The following KAZN variants were observed in gnomAD, a reference collection of about 807,000 sequenced individuals.
The protein encoded by KAZN is kazrin.
In KAZN, 40 loss-of-function variants were observed where a neutral mutation model predicts 87.4. The ratio of observed to expected loss-of-function variants is 0.46; its 90% confidence interval spans 0.36 to 0.60. KAZN has a LOEUF of 0.60. Ranked by LOEUF, KAZN falls within the 20% of genes least tolerant of loss-of-function variation. KAZN has a pLI of 0.00. For synonymous variants in KAZN, 466 were observed against 458.3 expected, an observed-to-expected ratio of 1.02 and a Z score of -0.22; for missense variants, 898 against 1,073.9, an observed-to-expected ratio of 0.84 and a Z score of 2.29.
chr1:14,324,829 A>T (rs1411158306), intron 2 of KAZN, among the ~76,000 whole-genome samples: 1 of 152,170 alleles, frequency 6.6e-6, no homozygotes, highest in Non-Finnish European at 1.5e-5. Context: ...GCAAATATAG[A>T]TGTTCTTTAA....
intron 1 of KAZN, among the ~76,000 whole-genome samples, chr1:14,809,298 G>A (rs1646330303): frequency 2.0e-5 from 3 of 152,192 alleles, no homozygotes; most frequent in African/African-American, 7.2e-5. Context: ...GGAGAGGCTG[G>A]TGAGGTGAGG....
chr1:15,069,837 T>C (rs550427575), intron 8 of KAZN, among the ~76,000 whole-genome samples: 1 of 152,290 alleles, frequency 6.6e-6, no homozygotes, highest in East Asian at 1.9e-4. Context: ...ACAAGCTGCA[T>C]GACTGTACTC....
intron 1 of KAZN, among the ~76,000 whole-genome samples, chr1:14,679,944 G>A (rs1035859482): frequency 2.6e-5 from 4 of 152,152 alleles, no homozygotes; most frequent in Non-Finnish European, 4.4e-5. Context: ...GAAGGATGCA[G>A]TGAGGAAGGA....
chr1:13,965,898 G>A (rs1347423492), intron 1 of KAZN, among the ~76,000 whole-genome samples: 1 of 152,184 alleles, frequency 6.6e-6, no homozygotes, highest in Non-Finnish European at 1.5e-5. Flanking sequence ...CATGATTCCA[G>A]CTGGTTTCCT....
chr1:14,150,626 T>C (rs1238456874), intron 1 of KAZN, among the ~76,000 whole-genome samples: 1 of 152,186 alleles, frequency 6.6e-6, no homozygotes, highest in East Asian at 1.9e-4. Flanking sequence ...TGGGAAAAGA[T>C]GGTATCAACT....
chr1:15,057,516 C>G (rs1439611816), intron 5 of KAZN, among the ~76,000 whole-genome samples: 1 of 152,214 alleles, frequency 6.6e-6, no homozygotes, highest in Non-Finnish European at 1.5e-5. Flanking sequence ...AGAACCCAGA[C>G]AGTAAGCAAA....
chr1:14,359,209 A>C (rs1260010672), intron 2 of KAZN, among the ~76,000 whole-genome samples: 2 of 151,974 alleles, frequency 1.3e-5, no homozygotes, highest in Non-Finnish European at 2.9e-5. Flanking sequence ...TGTTGGTTTA[A>C]AGTCTGTTTT....
At chr1:14,720,146 C>G (rs1021679473) in intron 1 of KAZN, among the ~76,000 whole-genome samples, 7 of 152,346 alleles carry the variant, frequency 4.6e-5, no homozygotes, top group African/African-American at 1.7e-4. Flanking sequence ...GCTTGTGCCA[C>G]TTGTCAACAT....
intron 1 of KAZN, among the ~76,000 whole-genome samples, chr1:14,729,351 G>A (rs546815409): frequency 1.3e-5 from 2 of 152,362 alleles, no homozygotes; most frequent in African/African-American, 4.8e-5. Flanking sequence ...GCACCTGGGA[G>A]CAGTCAGCTC....
intron 1 of KAZN, among the ~76,000 whole-genome samples, chr1:14,882,540 G>A (rs1440301951): frequency 6.6e-6 from 1 of 152,128 alleles, no homozygotes; most frequent in Non-Finnish European, 1.5e-5. Context: ...ATAAAGGAGG[G>A]CTTCTGTTAT....
At chr1:14,005,842 A>T (rs774076669) in intron 1 of KAZN, among the ~76,000 whole-genome samples, 1 of 152,198 alleles carries the variant, frequency 6.6e-6, no homozygotes, top group African/African-American at 2.4e-5. Context: ...CACTGCTCCT[A>T]TCAATGGACT....
intron 14 of KAZN, 63 bp downstream of exon 14, chr1:15,112,604 T>G: frequency 2.7e-6 from 1 of 375,874 alleles, no homozygotes; most frequent in Non-Finnish European, 4.2e-6. Flanking sequence ...TTTTTTCTCC[T>G]CCCGGGAGCT....
chr1:14,126,520 T>C (rs1186969499), intron 1 of KAZN, among the ~76,000 whole-genome samples: 1 of 152,234 alleles, frequency 6.6e-6, no homozygotes, highest in Non-Finnish European at 1.5e-5. Flanking sequence ...ATGTTTCCTT[T>C]ACTTGTACAG....
At chr1:14,166,528 C>T (rs907377926) in intron 1 of KAZN, among the ~76,000 whole-genome samples, 5 of 152,094 alleles carry the variant, frequency 3.3e-5, no homozygotes, top group African/African-American at 9.7e-5. Context: ...TTACATTACA[C>T]AAAATAAGCA....
chr1:14,362,114 T>C (rs979117829), intron 2 of KAZN, among the ~76,000 whole-genome samples: 3 of 152,190 alleles, frequency 2.0e-5, no homozygotes, highest in Admixed American at 1.3e-4. Flanking sequence ...ACAACTCACA[T>C]TTATTATTCC....
chr1:14,264,687 G>T (rs1026549283), intron 2 of KAZN, among the ~76,000 whole-genome samples: 1 of 152,134 alleles, frequency 6.6e-6, no homozygotes, highest in Admixed American at 6.5e-5. Flanking sequence ...AAGTAAATTT[G>T]TTTTCCTTAT....
chr1:14,980,347 G>A (rs760888728), intron 2 of KAZN, among the ~76,000 whole-genome samples: 3 of 152,184 alleles, frequency 2.0e-5, no homozygotes, highest in Admixed American at 6.6e-5. Context: ...GGGATTTCCC[G>A]AGACAGACAG....
intron 1 of KAZN, among the ~76,000 whole-genome samples, chr1:14,006,753 G>T (rs755148837): frequency 1.3e-5 from 2 of 152,120 alleles, no homozygotes; most frequent in African/African-American, 2.4e-5. Flanking sequence ...TTGAAATCAG[G>T]AAGTGTGATG....
chr1:13,964,677 C>A (rs543870076), intron 1 of KAZN, among the ~76,000 whole-genome samples: 1 of 152,350 alleles, frequency 6.6e-6, no homozygotes, highest in East Asian at 1.9e-4. Flanking sequence ...GAGGCCTCTA[C>A]TGGGTGGCAT....
Sources: gnomAD v4.1 joint callset for allele counts (sites outside exome capture counted in the v4.1 genomes callset) on GRCh38, gnomAD v4.1.1 for gene constraint, MANE v1.5 for transcripts, NCBI Gene and HGNC (gene_info 2026-07-23, HGNC 2026-07-21) for gene names.